TMEM201: variants seen among roughly 807,000 people sequenced by gnomAD.
The protein encoded by TMEM201 is RP13-15M17.2.
TMEM201 carries 26 observed loss-of-function variants against 63.4 expected under a neutral mutation model. The ratio of observed to expected loss-of-function variants is 0.41; its 90% CI spans 0.30 to 0.57. TMEM201 has a LOEUF of 0.57. Ranked by LOEUF, TMEM201 falls within the 20% of genes least tolerant of loss-of-function variation. The pLI is 0.29. For synonymous variants in TMEM201, 417 were observed against 421.6 expected, an observed-to-expected ratio of 0.99 and a Z score of 0.14; for missense variants, 794 against 917.7, an observed-to-expected ratio of 0.87 and a Z score of 1.74.
At chr1:9,609,252 C>T (rs1644288011) in intron 7 of TMEM201, among the ~76,000 whole-genome samples, 2 of 152,216 alleles carry the variant, frequency 1.3e-5, no homozygotes, top group African/African-American at 4.8e-5. Flanking sequence ...ACAGACCCTT[C>T]AGAGCCCACA....
chr1:9,602,436 C>G, intron 6 of TMEM201, 164 bp downstream of exon 6: 1 of 1,454,440 alleles, frequency 6.9e-7, no homozygotes, highest in South Asian at 1.4e-5. Flanking sequence ...CCTCCACTGC[C>G]TCGAAGAGTC....
intron 1 of TMEM201, among the ~76,000 whole-genome samples, chr1:9,589,751 G>A (rs554815313): frequency 7.3e-4 from 111 of 152,374 alleles, no homozygotes; most frequent in African/African-American, 2.5e-3. Context: ...GTGGCCTGTT[G>A]CTTCAGCAGA....
At chr1:9,598,254 G>A (rs1366624784) in intron 3 of TMEM201, among the ~76,000 whole-genome samples, 195 bp from the exon 4 acceptor site, 1 of 151,934 alleles carries the variant, frequency 6.6e-6, no homozygotes, top group Non-Finnish European at 1.5e-5. Context: ...TCTAACTCCC[G>A]GTAGTCCACA....
At position 9,601,327 on chromosome 1, in the gene TMEM201, C is replaced by A. The variant is rs770025595; in HGVS notation, c.829C>A (p.Leu277Ile). The A allele has an allele frequency of 1.2e-6, 2 of 1,608,966 alleles. No homozygotes were observed. The highest frequency in any genetic ancestry group is 2.7e-5 in the African/African-American group (2 of 74,946). The change falls in exon 5 of 11, where the codon CTA becomes ATA. Residue 277 changes from leucine to isoleucine, a missense_variant. Physicochemically the swap from Leu to Ile is conservative, Grantham distance 5. Transcript: ENST00000340381. ...GAEGWRQLLG[L>I]LPEHMAEKLC... is the part of the protein sequence containing the mutation. The stretch of plus-strand genomic sequence containing the variant: ...CGAGGGCTGGCGGCAGTTGCTGGGC[C>A]TACTCCCCGAGCACATGGCGGAGAA...
At chr1:9,599,596 A>C (rs1034518408) in intron 4 of TMEM201, among the ~76,000 whole-genome samples, 2 of 150,888 alleles carry the variant, frequency 1.3e-5, no homozygotes, top group Non-Finnish European at 2.9e-5. Flanking sequence ...TTCTCACCAA[A>C]AATTCCTATT....
intron 6 of TMEM201, 134 bp downstream of exon 6, chr1:9,602,406 C>T (rs1644162765): frequency 6.8e-7 from 1 of 1,475,498 alleles, no homozygotes; most frequent in African/African-American, 1.4e-5. Context: ...CACCCTACAG[C>T]CCCAGGTCCT....
chr1:9,589,115 C>G (rs906680589), intron 1 of TMEM201, 72 bp downstream of exon 1: 2 of 707,942 alleles, frequency 2.8e-6, no homozygotes, highest in African/African-American at 3.9e-5. Context: ...CGCCCCGGCC[C>G]GCTGCCCCCC....
chr1:9,600,527 A>C (rs1328485841), intron 4 of TMEM201, among the ~76,000 whole-genome samples: 1 of 151,860 alleles, frequency 6.6e-6, no homozygotes. Flanking sequence ...GATACCAGTC[A>C]CTCTCCCGGG....
chr1:9,613,221 C>G lies in TMEM201; in HGVS notation c.*138C>G, dbSNP rs936208572. ...TTGACCTCACTGGACTGTGACTGTC[C>G]TCAGGACACCTGCCCCTCCTCACCT... On this transcript the variant is annotated 3_prime_UTR_variant, in exon 11 of 11. Transcript: ENST00000340381. The G allele has an allele frequency of 1.3e-6, 1 of 742,634 alleles. No individual in the cohort carries two copies. The highest frequency in any genetic ancestry group is 2.2e-6 in the Non-Finnish European group (1 of 449,700). 46.0% of individuals were successfully genotyped at this position (742,634 alleles called of 1,614,324 possible).
At position 9,607,677 on chromosome 1, in the gene TMEM201, C is replaced by T; in HGVS notation, c.1281C>T (p.Pro427=). 5.8e-6 allele frequency: 9 copies of T among 1,551,998 alleles called. No homozygotes were observed. Among genetic ancestry groups the T allele is most frequent in the Non-Finnish European group, 7.0e-6 (8 of 1,147,102 alleles). ...TCCCCAGCCCGCCCAGCTTCCTGCC[C>T]CTCGCCAACCAGCAGCTCTTCCGGT... is the stretch of plus-strand genomic sequence containing the variant. ...LFIPSPPSFL[P]LANQQLFRSP... Residue 427 remains proline, a synonymous_variant, in exon 7 of 11, where the codon CCC becomes CCT. Transcript: ENST00000340381. The surrounding 1 kb of genome is among the most constrained non-coding windows in gnomAD (Gnocchi z 5.4).
rs574878600 is a variant in TMEM201 at position 9,603,827 on chromosome 1, C to T, written c.1160+1555C>T. On this transcript the variant is annotated intron_variant, in intron 6 of 10. Coordinates refer to ENST00000340381, the MANE Select transcript of TMEM201 (RefSeq NM_001130924.3). The surrounding 1 kb of genome is among the most constrained non-coding windows in gnomAD (Gnocchi z 4.5). ...CGGGGGCTTCTGTGGCCTCTGTGCC[C>T]GATGACCTGCGTGGCTTCAGACAAG... 5.1e-6 allele frequency: 5 copies of T among 985,450 alleles called. No homozygotes were observed. The highest frequency in any genetic ancestry group is 2.3e-4 in the East Asian group (2 of 8,810). The allele number at this position is 985,450 out of a possible 1,614,324, so 61.0% of individuals were successfully genotyped here. A position where few individuals can be genotyped will look rare whatever the true frequency, so the allele number is the denominator to read the frequency against.
chr1:9,608,459 G>T lies in TMEM201; in HGVS notation c.1393+670G>T, dbSNP rs1046384333. Among the ~76,000 whole-genome samples the T allele has an allele frequency of 6.6e-6, 1 of 152,286 alleles. No individual in the cohort carries two copies. Among genetic ancestry groups the T allele is most frequent in the South Asian group, 2.1e-4 (1 of 4,816 alleles). ...TAACAGCCAAGGCCCCTCTCCTCTC[G>T]TGCAGTTACAGGGCAGGCCATTTTG... On this transcript the variant is annotated intron_variant, in intron 7 of 10. Coordinates refer to ENST00000340381, the MANE Select transcript of TMEM201 (RefSeq NM_001130924.3). This position sits in a 1 kb window ranked among gnomAD's most constrained non-coding sequence, Gnocchi z 4.3.
intron 1 of TMEM201, among the ~76,000 whole-genome samples, chr1:9,594,260 T>C (rs762019554): frequency 1.1e-4 from 17 of 152,230 alleles, no homozygotes; most frequent in Non-Finnish European, 2.4e-4. Flanking sequence ...CTGCAGGCCT[T>C]GCCCGCTGTC....
chr1:9,592,559 G>A (rs550827591), intron 1 of TMEM201, among the ~76,000 whole-genome samples: 4 of 152,274 alleles, frequency 2.6e-5, no homozygotes, highest in East Asian at 3.9e-4. Context: ...AGGACCCAGC[G>A]CTGGGCTCGC....
Position 9,610,423 on chromosome 1 carries a change from A to G in TMEM201, c.1466-83A>G, listed in dbSNP as rs1644305953. On this transcript the variant is annotated intron_variant, in intron 8 of 10. Transcript: ENST00000340381. The surrounding 1 kb of genome is among the most constrained non-coding windows in gnomAD (Gnocchi z 4.9). ...TCCTGTCTTCCCGGGTTAATAGAAG[A>G]ATGCCCCCAGAAATGAAATAGCGCA... is the stretch of plus-strand genomic sequence containing the variant. The G allele has an allele frequency of 1.5e-6, 2 of 1,320,638 alleles. No homozygotes were observed. Among genetic ancestry groups the G allele is most frequent in the South Asian group, 3.0e-5 (2 of 65,976 alleles). 81.8% of individuals were successfully genotyped at this position (1,320,638 alleles called of 1,614,324 possible).
At position 9,596,777 on chromosome 1, in the gene TMEM201, C is replaced by T. The variant is rs779612025; in HGVS notation, c.235-82C>T. The T allele has an allele frequency of 6.4e-5, 88 of 1,380,344 alleles. No individual in the cohort carries two copies. The South Asian group carries it at 8.9e-4, about 14-fold the overall frequency. The allele number at this position is 1,380,344 out of a possible 1,614,324, so 85.5% of individuals were successfully genotyped here. ...GAGATCTACCATCACTTGCCTGGAG[C>T]GGGGCGGGCCCCCAGGGACATCACC... On this transcript the variant is annotated intron_variant, in intron 2 of 10. Coordinates refer to ENST00000340381, the MANE Select transcript of TMEM201 (RefSeq NM_001130924.3).
chr1:9,602,737 C>A (rs1644169522), intron 6 of TMEM201: 2 of 1,020,798 alleles, frequency 2.0e-6, no homozygotes, highest in Non-Finnish European at 2.4e-6. Context: ...AGGCTGGGCC[C>A]CTGGCGTGCC....
intron 7 of TMEM201, 85 bp from the exon 8 acceptor site, chr1:9,609,755 G>A: frequency 7.5e-7 from 1 of 1,326,330 alleles, no homozygotes; most frequent in East Asian, 2.5e-5. Context: ...GCAAAGGCTG[G>A]ATTGGGATTT....
In TMEM201 at chr1:9,598,566, C is replaced by G. The variant is rs770400157; in HGVS notation, c.547C>G (p.Arg183Gly). 6.2e-7 allele frequency: 1 copy of G among 1,613,702 alleles called. No homozygotes were observed. Among genetic ancestry groups the G allele is most frequent in the South Asian group, 1.1e-5 (1 of 91,080 alleles). Reference sequence around the variant, plus strand: ...CATCAAGCACCAGAACCGCCAGCTGCGCGCCCTGTTGCTCAGCCACCAGTT... The same window carrying G: ...CATCAAGCACCAGAACCGCCAGCTGGGCGCCCTGTTGCTCAGCCACCAGTT... ...YYIKHQNRQL[R>G]ALLLSHQFKR... The change falls in exon 4 of 11, where the codon CGC becomes GGC. Residue 183 changes from arginine (R) to glycine (G), a missense_variant. Arg to Gly is a moderately radical substitution (Grantham distance 125). Transcript: ENST00000340381.
Sources: gnomAD v4.1 joint callset for allele counts (sites outside exome capture counted in the v4.1 genomes callset) on GRCh38, gnomAD v4.1.1 for gene constraint, Gnocchi (gnomAD v3.1) non-coding constraint, MANE v1.5 for transcripts, NCBI Gene and HGNC (gene_info 2026-07-23, HGNC 2026-07-21) for gene names.